MICU1: variants seen among roughly 807,000 people sequenced by gnomAD.
MICU1 encodes the protein mitochondrial calcium uptake 1, also known as calcium uptake protein 1, mitochondrial.
MICU1 carries 45 observed loss-of-function variants against 56.8 expected under a neutral mutation model. That is an observed-to-expected ratio of 0.79 (90% CI 0.62 to 1.02). The LOEUF is 1.02. Ranked by LOEUF, MICU1 falls within the 50% of genes least tolerant of loss-of-function variation. The pLI, the probability that MICU1 is intolerant of heterozygous loss-of-function variation, is 0.00. For missense variants in MICU1, 504 were observed against 587.1 expected (o/e 0.86, Z 1.46); for synonymous variants, 186 against 195.1 (o/e 0.95, Z 0.39).
At chr10:72,518,106 C>T (rs1867706911) in intron 5 of MICU1, among the ~76,000 whole-genome samples, 1 of 151,482 alleles carries the variant, frequency 6.6e-6, no homozygotes, top group South Asian at 2.1e-4. Flanking sequence ...GATCTCAGCT[C>T]ACTACAACGT....
chr10:72,530,528 T>A (rs945271970), intron 5 of MICU1, among the ~76,000 whole-genome samples: 4 of 152,080 alleles, frequency 2.6e-5, no homozygotes, highest in African/African-American at 9.7e-5. Context: ...ATATCACTTA[T>A]CTACGAAACA....
chr10:72,439,708 G>C (rs1365771764), intron 8 of MICU1, among the ~76,000 whole-genome samples: 1 of 152,156 alleles, frequency 6.6e-6, no homozygotes. Context: ...CAAAGTCTCA[G>C]GATACAAAAT....
chr10:72,392,966 A>C (rs1863127798), intron 10 of MICU1, among the ~76,000 whole-genome samples: 1 of 152,246 alleles, frequency 6.6e-6, no homozygotes, highest in African/African-American at 2.4e-5. Flanking sequence ...TCAGCAGGTG[A>C]ACAGTTAAAA....
intron 5 of MICU1, among the ~76,000 whole-genome samples, chr10:72,512,683 T>TTTTTGTTTTGTTTTG (rs139345007): frequency 0.037 from 5,531 of 148,014 alleles, 174 homozygotes; most frequent in African/African-American, 0.079. Flanking sequence ...ATGTTTTTGG[T>TTTTTGTTTTGTTTTG]TTTTGTTTTG....
intron 9 of MICU1, among the ~76,000 whole-genome samples, chr10:72,421,016 A>AAAAT (rs1554865354): frequency 1.2e-3 from 148 of 124,112 alleles, no homozygotes; most frequent in African/African-American, 3.9e-3. Flanking sequence ...AAAAAAAAAA[A>AAAAT]AATAATAATA....
intron 6 of MICU1, among the ~76,000 whole-genome samples, chr10:72,495,233 T>TAAAAAAAAAAAA (rs34238664): frequency 6.9e-6 from 1 of 145,478 alleles, no homozygotes; most frequent in African/African-American, 2.5e-5. Context: ...TTCAGAGATC[T>TAAAAAAAAAAAA]AAAAAAAAAA....
chr10:72,582,783 C>CA (rs35690148), intron 1 of MICU1: 88,702 of 139,206 alleles, frequency 0.64, 28,787 homozygotes, highest in African/African-American at 0.73. Context: ...GACCTTGTCT[C>CA]AAAAAAAAAA....
At chr10:72,467,334 C>T (rs1470868181) in intron 8 of MICU1, among the ~76,000 whole-genome samples, 1 of 152,178 alleles carries the variant, frequency 6.6e-6, no homozygotes, top group Admixed American at 6.5e-5. Flanking sequence ...CAGGGACATG[C>T]CACCACACCC....
intron 1 of MICU1, among the ~76,000 whole-genome samples, chr10:72,622,829 T>C (rs1355806375): frequency 6.6e-6 from 1 of 152,248 alleles, no homozygotes; most frequent in Non-Finnish European, 1.5e-5. Flanking sequence ...TGTTTTCTTC[T>C]CAAACATGCT....
chr10:72,474,971 A>C lies in MICU1; in HGVS notation c.933+129T>G, dbSNP rs560301668. 2.2e-5 allele frequency: 16 copies of C among 727,774 alleles called. No homozygotes were observed. In the East Asian group the frequency reaches 3.9e-4, roughly 18 times the overall value. The allele number at this position is 727,774 out of a possible 1,614,324, so 45.1% of individuals were successfully genotyped here. ...GTTTCCTATCTGCTGTCAGTTTATA[A>C]AGCACTGATAAGCTTCAAATCAATC... On this transcript the variant is annotated intron_variant, in intron 8 of 11. Transcript: ENST00000361114.
intron 8 of MICU1, among the ~76,000 whole-genome samples, chr10:72,459,007 G>A (rs1865567152): frequency 6.6e-6 from 1 of 151,760 alleles, no homozygotes; most frequent in Admixed American, 6.6e-5. Context: ...GGGATTACAG[G>A]CATGAGCCAC....
At chr10:72,382,674 C>T (rs1862755209) in intron 10 of MICU1, among the ~76,000 whole-genome samples, 1 of 151,962 alleles carries the variant, frequency 6.6e-6, no homozygotes, top group Non-Finnish European at 1.5e-5. Context: ...TTTATGAGGC[C>T]AAGGCAGGCA....
intron 6 of MICU1, 112 bp from the exon 7 acceptor site, chr10:72,477,368 GTGAC>G: frequency 1.7e-6 from 2 of 1,159,216 alleles, no homozygotes; most frequent in Non-Finnish European, 2.5e-6. Context: ...CACCATAAAA[GTGAC>G]TGAGTCAAAG....
intron 8 of MICU1, 36 bp downstream of exon 8, chr10:72,475,064 C>A: frequency 6.4e-7 from 1 of 1,565,712 alleles, no homozygotes. Flanking sequence ...ATCAGTTCCA[C>A]ATGTGATGGA....
chr10:72,570,389 T>G (rs542958750), intron 1 of MICU1, among the ~76,000 whole-genome samples: 27 of 152,364 alleles, frequency 1.8e-4, no homozygotes, highest in African/African-American at 5.5e-4. Flanking sequence ...TGTTACATTA[T>G]TAGTGCTTAA....
chr10:72,478,487 A>G (rs1236241002), intron 6 of MICU1, among the ~76,000 whole-genome samples: 1 of 152,232 alleles, frequency 6.6e-6, no homozygotes, highest in African/African-American at 2.4e-5. Context: ...TAGAGAATAA[A>G]CCAAAATAAA....
intron 6 of MICU1, among the ~76,000 whole-genome samples, chr10:72,487,246 C>A (rs898867552): frequency 2.0e-5 from 3 of 152,108 alleles, no homozygotes; most frequent in African/African-American, 7.2e-5. Context: ...ACAGCACAAA[C>A]AACAGCCAAC....
rs869232997 is a variant in MICU1 at position 72,549,191 on chromosome 10, GTTT to G, written c.493+1985_493+1987del. Among the ~76,000 whole-genome samples the G allele has an allele frequency of 2.6e-4, 34 of 131,532 alleles. No individual in the cohort carries two copies. The East Asian group carries it at 6.3e-3, about 25-fold the overall frequency. 86.3% of individuals were successfully genotyped at this position (131,532 alleles called of 152,430 possible). On this transcript the variant is annotated intron_variant, in intron 4 of 11. Transcript: ENST00000361114. ...TTGTTTCATGTGTCTGTTTTTTTTGGTTTTTTTTTTTTTTTTTGAAACAGGGTC... is the reference window on the plus strand; with the variant it reads ...TTGTTTCATGTGTCTGTTTTTTTTGGTTTTTTTTTTTTTTGAAACAGGGTC...
At chr10:72,465,437 G>A (rs1214852713) in intron 8 of MICU1, among the ~76,000 whole-genome samples, 3 of 150,770 alleles carry the variant, frequency 2.0e-5, no homozygotes, top group Middle Eastern at 3.2e-3. Context: ...ATACCCAGTG[G>A]AAGCCTGTAA....
Sources: allele counts gnomAD v4.1 joint callset (sites outside exome capture counted in the v4.1 genomes callset), GRCh38; gene constraint gnomAD v4.1.1; transcripts MANE v1.5; gene names NCBI Gene and HGNC (gene_info 2026-07-23, HGNC 2026-07-21).